LOC128462377: variants seen among roughly 807,000 people sequenced by gnomAD.
At chr16:89,336,760 T>G in the LOC128462377 span, among the ~76,000 whole-genome samples, 12 of 152,250 alleles carry the variant, frequency 7.9e-5, no homozygotes, top group African/African-American at 2.9e-4. Flanking sequence ...ATGTTCTGAC[T>G]ACATGAGAGA....
chr16:89,413,026 C>A, the LOC128462377 span, among the ~76,000 whole-genome samples: 6 of 152,206 alleles, frequency 3.9e-5, no homozygotes, highest in Admixed American at 2.6e-4. Flanking sequence ...AAACCCTCCC[C>A]CAGGCCCTGG....
the LOC128462377 span, among the ~76,000 whole-genome samples, chr16:89,373,989 G>A: frequency 6.6e-6 from 1 of 152,242 alleles, no homozygotes; most frequent in Non-Finnish European, 1.5e-5. Flanking sequence ...AGAAGGGTCT[G>A]ACGACCACAA....
At chr16:89,319,542 G>A in the LOC128462377 span, among the ~76,000 whole-genome samples, 2 of 152,228 alleles carry the variant, frequency 1.3e-5, no homozygotes, top group Non-Finnish European at 2.9e-5. Flanking sequence ...GGCCCTTCCA[G>A]GACCCTCGTG....
chr16:89,415,281 TTGAGA>T, the LOC128462377 span, among the ~76,000 whole-genome samples: 1 of 105,020 alleles, frequency 9.5e-6, no homozygotes, highest in Non-Finnish European at 2.0e-5. Flanking sequence ...TTTTTTTTTT[TTGAGA>T]TGGAGTCTCC....
the LOC128462377 span, among the ~76,000 whole-genome samples, chr16:89,380,776 CG>C: frequency 1.3e-5 from 2 of 152,212 alleles, no homozygotes; most frequent in African/African-American, 4.8e-5. Context: ...ATCTCCTGCA[CG>C]GGCAGCAGGG....
chr16:89,317,423 G>A, the LOC128462377 span, among the ~76,000 whole-genome samples: 3 of 152,264 alleles, frequency 2.0e-5, no homozygotes, highest in East Asian at 3.9e-4. Context: ...CACCCAAAAC[G>A]GTCAGGCACC....
At chr16:89,382,102 C>T in the LOC128462377 span, among the ~76,000 whole-genome samples, 4 of 152,148 alleles carry the variant, frequency 2.6e-5, no homozygotes, top group African/African-American at 4.8e-5. Context: ...CCAGAACGGG[C>T]GAGGGGGACG....
the LOC128462377 span, among the ~76,000 whole-genome samples, chr16:89,389,835 G>A: frequency 2.8e-5 from 4 of 142,204 alleles, no homozygotes; most frequent in Admixed American, 2.1e-4. Flanking sequence ...GGCAAACACC[G>A]AGTGTGGCGG....
chr16:89,338,066 G>A, the LOC128462377 span, among the ~76,000 whole-genome samples: 5 of 152,160 alleles, frequency 3.3e-5, no homozygotes, highest in African/African-American at 4.8e-5. Flanking sequence ...ACTGTGTCGC[G>A]CTCTGCCACT....
the LOC128462377 span, among the ~76,000 whole-genome samples, chr16:89,407,172 C>T: frequency 3.3e-5 from 5 of 150,996 alleles, no homozygotes; most frequent in Admixed American, 2.6e-4. Context: ...GCAACAAGAG[C>T]GAAACCCCGT....
At chr16:89,381,280 C>T in the LOC128462377 span, among the ~76,000 whole-genome samples, 1 of 142,786 alleles carries the variant, frequency 7.0e-6, no homozygotes, top group Non-Finnish European at 1.5e-5. Context: ...TGCAGTGAGG[C>T]GACAATGCGC....
the LOC128462377 span, among the ~76,000 whole-genome samples, chr16:89,337,641 C>T: frequency 2.0e-5 from 3 of 151,904 alleles, no homozygotes; most frequent in South Asian, 4.2e-4. Context: ...GGGGTTTCAC[C>T]GTGTTAGCCA....
chr16:89,326,445 C>A, the LOC128462377 span, among the ~76,000 whole-genome samples: 2 of 152,048 alleles, frequency 1.3e-5, no homozygotes, highest in African/African-American at 4.8e-5. Context: ...TCAATCTACC[C>A]CCAAATTACA....
At chr16:89,416,765 A>G in the LOC128462377 span, among the ~76,000 whole-genome samples, 5 of 147,732 alleles carry the variant, frequency 3.4e-5, no homozygotes, top group African/African-American at 1.2e-4. Flanking sequence ...CTCTGTTTCT[A>G]CAAAAAAAAA....
chr16:89,358,470 C>A, the LOC128462377 span, among the ~76,000 whole-genome samples: 1 of 152,174 alleles, frequency 6.6e-6, no homozygotes, highest in Admixed American at 6.5e-5. Flanking sequence ...GGATTGTTTA[C>A]AACACAAAGG....
chr16:89,384,280 C>A, the LOC128462377 span, among the ~76,000 whole-genome samples: 4 of 152,160 alleles, frequency 2.6e-5, no homozygotes, highest in African/African-American at 9.7e-5. Flanking sequence ...CCTGTAATCC[C>A]AGCACTTTGG....
chr16:89,363,014 T>G, the LOC128462377 span, among the ~76,000 whole-genome samples: 1 of 151,792 alleles, frequency 6.6e-6, no homozygotes, highest in African/African-American at 2.4e-5. Context: ...CTTTATCCGG[T>G]GTACTCTCGT....
the LOC128462377 span, among the ~76,000 whole-genome samples, chr16:89,322,026 C>T: frequency 6.6e-6 from 1 of 152,220 alleles, no homozygotes; most frequent in East Asian, 1.9e-4. Context: ...AAGAGCAGAA[C>T]ACACATAACA....
the LOC128462377 span, among the ~76,000 whole-genome samples, chr16:89,347,484 G>A: frequency 3.1e-3 from 475 of 152,086 alleles, 21 homozygotes; most frequent in East Asian, 0.047. Flanking sequence ...GGTGGCAGGC[G>A]CCGGTAGTCC....
Sources: allele counts gnomAD v4.1 joint callset (sites outside exome capture counted in the v4.1 genomes callset), GRCh38; gene constraint gnomAD v4.1.1; transcripts MANE v1.5.